DLEC1: variants seen among roughly 807,000 people sequenced by gnomAD.
DLEC1 encodes DLEC1 cilia and flagella associated protein, also known as deleted in lung and esophageal cancer protein 1.
A neutral mutation model predicts 198.1 loss-of-function variants in DLEC1; 146 were observed. The observed-to-expected ratio is 0.74, with a 90% confidence interval of 0.64 to 0.85. The LOEUF (loss-of-function observed/expected upper bound fraction) is 0.85, where lower values mean the gene tolerates loss of function less well. Among genes scored for constraint, DLEC1 ranks in the 40% least tolerant of loss-of-function variants. The pLI is 0.00. For synonymous variants in DLEC1, 897 were observed against 866.8 expected, an observed-to-expected ratio of 1.03 and a Z score of -0.61; for missense variants, 2,233 against 2,220.0, an observed-to-expected ratio of 1.01 and a Z score of -0.12.
intron 2 of DLEC1, among the ~76,000 whole-genome samples, chr3:38,057,983 A>C (rs1030993708): frequency 8.6e-5 from 13 of 151,758 alleles, no homozygotes; most frequent in Admixed American, 5.3e-4. Context: ...CACCTGGCTA[A>C]TTTTTGTATT....
At chr3:38,052,775 C>G (rs1287754298) in intron 2 of DLEC1, among the ~76,000 whole-genome samples, 2 of 152,156 alleles carry the variant, frequency 1.3e-5, no homozygotes, top group South Asian at 2.1e-4. Context: ...TCTCCCTCCC[C>G]CTCCGCCTCC....
Position 38,115,510 on chromosome 3 carries a change from A to G in DLEC1, c.3856+457A>G, listed in dbSNP as rs532740007. Among the ~76,000 whole-genome samples the G allele has an allele frequency of 2.0e-3, 301 of 152,014 alleles. 3 individuals are homozygous for G. Among genetic ancestry groups the G allele is most frequent in the Middle Eastern group, 0.014 (4 of 294 alleles). On this transcript the variant is annotated intron_variant, in intron 27 of 36. Coordinates refer to ENST00000308059, the MANE Select transcript of DLEC1 (RefSeq NM_007335.4). ...AGGCAGAGTGTAGGCTGAGTCTAAGAGGAAGGGTAAGCCGATGTGGGCCAG... is the reference window on the plus strand; with the variant it reads ...AGGCAGAGTGTAGGCTGAGTCTAAGGGGAAGGGTAAGCCGATGTGGGCCAG...
At chr3:38,050,035 T>C (rs1185265874) in intron 2 of DLEC1, among the ~76,000 whole-genome samples, 1 of 152,126 alleles carries the variant, frequency 6.6e-6, no homozygotes, top group African/African-American at 2.4e-5. Flanking sequence ...AGGCAGATGA[T>C]TGAGTGGCTG....
At position 38,107,728 on chromosome 3, in the gene DLEC1, C is replaced by A. The variant is rs771667194; in HGVS notation, c.3009C>A (p.His1003Gln). Residue 1003 changes from histidine to glutamine, a missense_variant, in exon 20 of 37, where the codon CAC (histidine) becomes CAA (glutamine). By Grantham distance (24) the His-to-Gln change is conservative. Coordinates refer to ENST00000308059, the MANE Select transcript of DLEC1 (RefSeq NM_007335.4). ...GCACGCTCCTGCCTACCCAGTTCCACTGGGGCAAGGTGAGTGAGCCCACAG... is the reference window on the plus strand; with the variant it reads ...GCACGCTCCTGCCTACCCAGTTCCAATGGGGCAAGGTGAGTGAGCCCACAG... ...INGTLLPTQF[H>Q]WGKLLGHQAE... 1 of 1,613,826 alleles carries A rather than the reference C, an allele frequency of 6.2e-7. No individual in the cohort carries two copies. Among genetic ancestry groups the A allele is most frequent in the South Asian group, 1.1e-5 (1 of 91,028 alleles).
At chr3:38,122,239 AC>A (rs765783659) in intron 36 of DLEC1, 45 bp downstream of exon 36, 1 of 1,608,562 alleles carries the variant, frequency 6.2e-7, no homozygotes, top group Admixed American at 1.7e-5. Flanking sequence ...CAGAGCCTGG[AC>A]CCCCTGCCCA....
At chr3:38,073,707 G>A (rs1014368500) in intron 6 of DLEC1, among the ~76,000 whole-genome samples, 2 of 152,140 alleles carry the variant, frequency 1.3e-5, no homozygotes, top group East Asian at 1.9e-4. Context: ...GCACCAGAGT[G>A]GGGGAGTTTT....
intron 3 of DLEC1, among the ~76,000 whole-genome samples, chr3:38,060,461 A>G (rs981258815): frequency 1.3e-4 from 19 of 152,000 alleles, no homozygotes; most frequent in African/African-American, 3.9e-4. Flanking sequence ...GTGGCCAGTT[A>G]TCGGGATTGC....
intron 6 of DLEC1, among the ~76,000 whole-genome samples, chr3:38,068,570 G>C (rs1368477215): frequency 6.6e-6 from 1 of 152,230 alleles, no homozygotes; most frequent in Non-Finnish European, 1.5e-5. Flanking sequence ...AGAACTTATG[G>C]ATGTGTCTTA....
intron 6 of DLEC1, among the ~76,000 whole-genome samples, chr3:38,074,944 A>G (rs1697524460): frequency 6.6e-6 from 1 of 152,162 alleles, no homozygotes; most frequent in Admixed American, 6.5e-5. Flanking sequence ...CCTCTCTAAG[A>G]GGAAATTGTT....
chr3:38,110,066 A>T (rs747116948), intron 22 of DLEC1, 33 bp from the exon 23 acceptor site: 1 of 1,610,626 alleles, frequency 6.2e-7, no homozygotes, highest in South Asian at 1.1e-5. Flanking sequence ...GGTGTGTTAC[A>T]TAGTACCAAT....
At chr3:38,100,223 C>G (rs1699232756) in intron 18 of DLEC1, 63 bp from the exon 19 acceptor site, 10 of 1,525,402 alleles carry the variant, frequency 6.6e-6, no homozygotes, top group Non-Finnish European at 8.8e-6. Context: ...ATGGCCAGCC[C>G]CCAGTTCCTC....
chr3:38,062,882 G>A (rs1696771355), intron 5 of DLEC1, 81 bp downstream of exon 5: 4 of 1,451,028 alleles, frequency 2.8e-6, no homozygotes, highest in Non-Finnish European at 3.7e-6. Flanking sequence ...TGGTCTGGCT[G>A]TAGAGGTCCC....
intron 7 of DLEC1, among the ~76,000 whole-genome samples, 196 bp downstream of exon 7, chr3:38,084,441 G>C (rs1698275936): frequency 2.0e-5 from 3 of 146,628 alleles, no homozygotes; most frequent in African/African-American, 7.7e-5. Context: ...AGTAGTGGTG[G>C]TGGTGGTGGT....
At chr3:38,063,455 C>T (rs114595613) in intron 5 of DLEC1, among the ~76,000 whole-genome samples, 222 of 151,140 alleles carry the variant, frequency 1.5e-3, no homozygotes, top group Non-Finnish European at 2.7e-3. Context: ...CAGAGTGAGA[C>T]CCTGTCAAAA....
intron 19 of DLEC1, among the ~76,000 whole-genome samples, chr3:38,104,580 T>G (rs746938153): frequency 3.3e-5 from 5 of 152,236 alleles, no homozygotes; most frequent in African/African-American, 4.8e-5. Flanking sequence ...ACATAGTTGT[T>G]AGTGGTATTC....
intron 8 of DLEC1, 128 bp from the exon 9 acceptor site, chr3:38,086,113 C>CT (rs1698440995): frequency 2.2e-6 from 3 of 1,334,488 alleles, no homozygotes; most frequent in Admixed American, 4.8e-5. Flanking sequence ...CACTCATCCT[C>CT]TCTGCATAGG....
chr3:38,043,005 A>G (rs1250860005), intron 1 of DLEC1, among the ~76,000 whole-genome samples: 4 of 152,128 alleles, frequency 2.6e-5, no homozygotes, highest in African/African-American at 9.7e-5. Context: ...AATAATCACT[A>G]TTCCGTATGA....
intron 2 of DLEC1, among the ~76,000 whole-genome samples, chr3:38,057,579 A>G (rs1323917497): frequency 6.6e-6 from 1 of 152,252 alleles, no homozygotes; most frequent in Admixed American, 6.5e-5. Context: ...GGCGGAACAC[A>G]TACAGTGTGA....
At chr3:38,076,899 G>T (rs1435179695) in intron 6 of DLEC1, among the ~76,000 whole-genome samples, 2 of 152,318 alleles carry the variant, frequency 1.3e-5, no homozygotes, top group African/African-American at 4.8e-5. Flanking sequence ...GAGTGGGAGA[G>T]ATTAAGCTGA....
Sources: gnomAD v4.1 joint callset for allele counts (sites outside exome capture counted in the v4.1 genomes callset) on GRCh38, gnomAD v4.1.1 for gene constraint, MANE v1.5 for transcripts, NCBI Gene and HGNC (gene_info 2026-07-23, HGNC 2026-07-21) for gene names.